CAMK1D: variants seen among roughly 807,000 people sequenced by gnomAD.
CAMK1D encodes calcium/calmodulin-dependent protein kinase type 1D.
In CAMK1D, 9 loss-of-function variants were observed where a neutral mutation model predicts 47.7. That is an observed-to-expected ratio of 0.19 (90% CI 0.11 to 0.33). The LOEUF is 0.33. Ranked by LOEUF, CAMK1D falls within the 10% of genes least tolerant of loss-of-function variation. CAMK1D has a pLI of 1.00. For synonymous variants in CAMK1D, 184 were observed against 184.9 expected (o/e 0.99, Z 0.04); for missense variants, 291 against 488.7 (o/e 0.60, Z 3.81).
chr10:12,369,857 G>T (rs1217100282), intron 1 of CAMK1D, among the ~76,000 whole-genome samples: 1 of 151,672 alleles, frequency 6.6e-6, no homozygotes, highest in Non-Finnish European at 1.5e-5. Flanking sequence ...TCGGGAGGCT[G>T]AGGCAGGGGA....
intron 1 of CAMK1D, chr10:12,456,768 A>G (rs1564351123): frequency 6.9e-6 from 1 of 145,212 alleles, no homozygotes; most frequent in African/African-American, 2.8e-5. Flanking sequence ...CTCTGTCTCA[A>G]AAAAAAAAAA....
intron 9 of CAMK1D, 55 bp downstream of exon 9, chr10:12,824,607 C>A: frequency 7.3e-7 from 1 of 1,370,632 alleles, no homozygotes; most frequent in Non-Finnish European, 1.0e-6. Context: ...TGACACTGGC[C>A]CTCCAATCTG....
intron 1 of CAMK1D, among the ~76,000 whole-genome samples, chr10:12,449,564 T>C (rs1210262823): frequency 6.7e-6 from 1 of 150,014 alleles, no homozygotes; most frequent in Non-Finnish European, 1.5e-5. Context: ...CATTTTATGA[T>C]GTATACATAT....
chr10:12,707,121 C>G (rs1833756306), intron 3 of CAMK1D, among the ~76,000 whole-genome samples: 1 of 152,168 alleles, frequency 6.6e-6, no homozygotes, highest in South Asian at 2.1e-4. Flanking sequence ...ATCCCAGCCC[C>G]AGGACATAGC....
At chr10:12,375,623 A>G (rs1237635803) in intron 1 of CAMK1D, among the ~76,000 whole-genome samples, 3 of 152,164 alleles carry the variant, frequency 2.0e-5, no homozygotes, top group Non-Finnish European at 4.4e-5. Flanking sequence ...AACATAAATG[A>G]CATTTGGCTT....
intron 2 of CAMK1D, among the ~76,000 whole-genome samples, chr10:12,597,840 A>G: frequency 6.6e-6 from 1 of 152,138 alleles, no homozygotes; most frequent in South Asian, 2.1e-4. Context: ...CTCTCACTGG[A>G]TCTCTGGGAG....
At chr10:12,646,648 A>G (rs2132499543) in intron 2 of CAMK1D, among the ~76,000 whole-genome samples, 1 of 152,266 alleles carries the variant, frequency 6.6e-6, no homozygotes, top group South Asian at 2.1e-4. Flanking sequence ...AAGATATTGA[A>G]ATGAAACGTG....
chr10:12,734,431 TATACACACACAC>T, intron 3 of CAMK1D, among the ~76,000 whole-genome samples: 1 of 26,116 alleles, frequency 3.8e-5, no homozygotes, highest in African/African-American at 1.3e-4. Context: ...TGTATATATA[TATACACACACAC>T]ATATGTGTAT....
At chr10:12,490,410 C>T (rs1432407360) in intron 1 of CAMK1D, among the ~76,000 whole-genome samples, 2 of 151,998 alleles carry the variant, frequency 1.3e-5, no homozygotes, top group Non-Finnish European at 2.9e-5. Context: ...AATGGGAAGA[C>T]AGGATAGTGA....
chr10:12,551,261 C>A (rs1564406566), intron 1 of CAMK1D, among the ~76,000 whole-genome samples: 2 of 152,148 alleles, frequency 1.3e-5, no homozygotes, highest in African/African-American at 4.8e-5. Flanking sequence ...GGAGCGTGAG[C>A]CCTATTGTGA....
chr10:12,354,149 A>G (rs1837428892), intron 1 of CAMK1D, among the ~76,000 whole-genome samples: 1 of 152,160 alleles, frequency 6.6e-6, no homozygotes, highest in Non-Finnish European at 1.5e-5. Context: ...GGCATGCCCT[A>G]GAAAATGGAT....
At chr10:12,615,739 G>T (rs773257395) in intron 2 of CAMK1D, among the ~76,000 whole-genome samples, 1 of 151,290 alleles carries the variant, frequency 6.6e-6, no homozygotes, top group Non-Finnish European at 1.5e-5. Context: ...CATGTGTGTG[G>T]GGGTGTGTAT....
intron 1 of CAMK1D, among the ~76,000 whole-genome samples, chr10:12,461,019 C>A (rs1833405232): frequency 6.6e-6 from 1 of 152,206 alleles, no homozygotes; most frequent in Non-Finnish European, 1.5e-5. Context: ...TAGGTAGTGA[C>A]TGCAGAAGGA....
At chr10:12,731,221 G>A (rs1485227798) in intron 3 of CAMK1D, among the ~76,000 whole-genome samples, 3 of 152,182 alleles carry the variant, frequency 2.0e-5, no homozygotes, top group Admixed American at 6.5e-5. Context: ...TCTAGTGTAC[G>A]TGCAAGATTG....
intron 2 of CAMK1D, among the ~76,000 whole-genome samples, chr10:12,645,962 G>A (rs988900660): frequency 1.4e-5 from 2 of 145,022 alleles, no homozygotes; most frequent in Non-Finnish European, 3.0e-5. Flanking sequence ...TCTCATAAAT[G>A]GCTAGTTGTT....
chr10:12,602,897 T>TATTATTATTATTATTATTATTATTATC (rs1475419988), intron 2 of CAMK1D, among the ~76,000 whole-genome samples: 4 of 142,642 alleles, frequency 2.8e-5, no homozygotes, highest in Non-Finnish European at 6.1e-5. Context: ...AACTGCTTGT[T>TATTATTATTATTATTATTATTATTATC]ATTATTATTA....
chr10:12,448,085 C>G (rs1832973949), intron 1 of CAMK1D, among the ~76,000 whole-genome samples: 1 of 151,848 alleles, frequency 6.6e-6, no homozygotes, highest in Admixed American at 6.6e-5. Context: ...AACTCCTGAC[C>G]TTAAGTGATC....
At chr10:12,704,354 A>G (rs1256046410) in intron 3 of CAMK1D, among the ~76,000 whole-genome samples, 1 of 152,152 alleles carries the variant, frequency 6.6e-6, no homozygotes, top group Non-Finnish European at 1.5e-5. Flanking sequence ...AACCATGATC[A>G]TTATTATCTT....
chr10:12,430,365 G>A (rs1451368732), intron 1 of CAMK1D, among the ~76,000 whole-genome samples: 4 of 152,304 alleles, frequency 2.6e-5, no homozygotes, highest in South Asian at 2.1e-4. Context: ...GGGCTTGCAC[G>A]GAACAGGTCT....
Sources: gnomAD v4.1 joint callset for allele counts (sites outside exome capture counted in the v4.1 genomes callset) on GRCh38, gnomAD v4.1.1 for gene constraint, MANE v1.5 for transcripts, NCBI Gene and HGNC (gene_info 2026-07-23, HGNC 2026-07-21) for gene names.